Variants in DCAF10 observed in about 807,000 individuals in gnomAD.
DCAF10 encodes DDB1- and CUL4-associated factor 10.
DCAF10 carries 19 observed loss-of-function variants against 51.9 expected under a neutral mutation model. The observed-to-expected ratio is 0.37, with a 90% confidence interval of 0.26 to 0.54. The LOEUF is 0.54. Among genes scored for constraint, DCAF10 ranks in the 20% least tolerant of loss-of-function variants. DCAF10 has a pLI of 0.87. For missense variants in DCAF10, 510 were observed against 730.6 expected (o/e 0.70, Z 3.48); for synonymous variants, 291 against 297.1 (o/e 0.98, Z 0.21).
chr9:37,816,097 G>C (rs1829520543), intron 1 of DCAF10, among the ~76,000 whole-genome samples: 1 of 151,578 alleles, frequency 6.6e-6, no homozygotes, highest in Non-Finnish European at 1.5e-5. Context: ...TCCAGCATAA[G>C]CAAAAATTTT....
Position 37,807,260 on chromosome 9 carries a change from T to C in DCAF10, c.539+5855T>C, listed in dbSNP as rs139038227. Among the ~76,000 whole-genome samples the C allele has an allele frequency of 9.9e-5, 15 of 152,252 alleles. 1 individual carries two copies. The East Asian group carries it at 2.9e-3, about 29-fold the overall frequency. ...ACTTTGGGAGGCTGAAGGTGGAGGA[T>C]TGCTTGAGCTCGAGTTCAAGACCAG... On this transcript the variant is annotated intron_variant, in intron 1 of 6. Transcript: ENST00000377724.
At chr9:37,809,640 C>T (rs1280236826) in intron 1 of DCAF10, among the ~76,000 whole-genome samples, 1 of 151,916 alleles carries the variant, frequency 6.6e-6, no homozygotes, top group Admixed American at 6.6e-5. Context: ...TCGAGACCAG[C>T]CTGGCTAACA....
chr9:37,833,979 G>A (rs796405372), intron 2 of DCAF10, among the ~76,000 whole-genome samples: 4 of 151,854 alleles, frequency 2.6e-5, no homozygotes, highest in African/African-American at 7.2e-5. Context: ...TTGCTTTGCC[G>A]CCTAGGCTGG....
chr9:37,832,021 A>T (rs935892411), intron 2 of DCAF10: 2 of 152,264 alleles, frequency 1.3e-5, no homozygotes, highest in South Asian at 2.1e-4. Context: ...AGGTCATCAT[A>T]AAAATATTTA....
chr9:37,840,807 T>A (rs1564041620), intron 2 of DCAF10, among the ~76,000 whole-genome samples: 1 of 152,184 alleles, frequency 6.6e-6, no homozygotes, highest in Non-Finnish European at 1.5e-5. Flanking sequence ...GCCTGCAAGC[T>A]CCATTCATGG....
chr9:37,813,375 C>T (rs1294381950), intron 1 of DCAF10, among the ~76,000 whole-genome samples: 1 of 152,208 alleles, frequency 6.6e-6, no homozygotes, highest in Non-Finnish European at 1.5e-5. Flanking sequence ...GGATTACAGG[C>T]ATGGGCCAAT....
intron 3 of DCAF10, among the ~76,000 whole-genome samples, chr9:37,853,522 G>A (rs1830755109): frequency 6.7e-6 from 1 of 150,128 alleles, no homozygotes; most frequent in Non-Finnish European, 1.5e-5. Flanking sequence ...TGTTAAGCAT[G>A]TATGTAAATC....
chr9:37,823,664 A>G (rs1829770386), intron 2 of DCAF10, among the ~76,000 whole-genome samples: 1 of 152,178 alleles, frequency 6.6e-6, no homozygotes, highest in Admixed American at 6.5e-5. Flanking sequence ...ATAAAAATGT[A>G]ATGCTAATCA....
Position 37,864,560 on chromosome 9 carries a change from A to T in DCAF10, c.*3052A>T, listed in dbSNP as rs1457613440. Reference sequence around the variant, plus strand: ...GATCGCACCACTGTACTCTAGCCTGACCAGCAGAGCGAGACTCTGCCTCAA... The same window carrying T: ...GATCGCACCACTGTACTCTAGCCTGTCCAGCAGAGCGAGACTCTGCCTCAA... On this transcript the variant is annotated 3_prime_UTR_variant, in exon 7 of 7. Coordinates refer to ENST00000377724, the MANE Select transcript of DCAF10 (RefSeq NM_024345.5). 6.6e-6 allele frequency: 1 copy of T among 150,690 alleles called. No homozygotes were observed. The highest frequency in any genetic ancestry group is 1.5e-5 in the Non-Finnish European group (1 of 67,778). 9.3% of individuals were successfully genotyped at this position (150,690 alleles called of 1,614,324 possible).
chr9:37,821,728 C>G (rs1432747163), intron 2 of DCAF10, among the ~76,000 whole-genome samples: 1 of 152,082 alleles, frequency 6.6e-6, no homozygotes, highest in African/African-American at 2.4e-5. Flanking sequence ...ACCAAAACCC[C>G]AAAAGCAATT....
intron 2 of DCAF10, among the ~76,000 whole-genome samples, chr9:37,831,535 G>A (rs747621436): frequency 5.3e-5 from 8 of 152,146 alleles, no homozygotes; most frequent in Non-Finnish European, 1.2e-4. Context: ...ACAGGGGCAT[G>A]CATTTTCTGG....
In DCAF10 at chr9:37,804,738, T is replaced by G. The variant is rs192207716; in HGVS notation, c.539+3333T>G. Among the ~76,000 whole-genome samples the G allele has an allele frequency of 2.0e-5, 3 of 151,316 alleles. No individual in the cohort carries two copies. In the East Asian group the frequency reaches 5.8e-4, roughly 29 times the overall value. On this transcript the variant is annotated intron_variant, in intron 1 of 6. Transcript: ENST00000377724. Reference sequence around the variant, plus strand: ...TTGCGGTGAGCCAAGACCGTACCACTGCACTCCAGCCTGGGCAACAAGAGC... The same window carrying G: ...TTGCGGTGAGCCAAGACCGTACCACGGCACTCCAGCCTGGGCAACAAGAGC...
At chr9:37,850,858 AT>A (rs1196594454) in intron 3 of DCAF10, among the ~76,000 whole-genome samples, 11 of 109,286 alleles carry the variant, frequency 1.0e-4, no homozygotes, top group Non-Finnish European at 1.8e-4. Flanking sequence ...ATATATATAT[AT>A]ATATATATAT....
rs754708460 is a variant in DCAF10 at position 37,861,337 on chromosome 9, G to C, written c.1509G>C (p.Gln503His). 21 of 1,614,108 alleles carry C rather than the reference G, an allele frequency of 1.3e-5. No homozygotes were observed. Among genetic ancestry groups the C allele is most frequent in the Non-Finnish European group, 1.7e-5 (20 of 1,180,046 alleles). ...YGIRLLGFDK[Q>H]CSELVDCLPK... ...TTCGCTTGTTGGGATTTGACAAACA[G>C]TGCAGTGAACTTGTTGACTGCTTGC... Residue 503 changes from glutamine (Q) to histidine (H), a missense_variant, in exon 7 of 7, where the codon CAG becomes CAC. Physicochemically the swap from Gln to His is conservative, Grantham distance 24. Coordinates refer to ENST00000377724, the MANE Select transcript of DCAF10 (RefSeq NM_024345.5). The surrounding 1 kb of genome is among the most constrained non-coding windows in gnomAD (Gnocchi z 4.9).
In DCAF10 at chr9:37,835,981, A is replaced by G. The variant is rs1158702435; in HGVS notation, c.654-6108A>G. On this transcript the variant is annotated intron_variant, in intron 2 of 6. Coordinates refer to ENST00000377724, the MANE Select transcript of DCAF10 (RefSeq NM_024345.5). ...ATTGCCCTTAGAACTGTTTACAGAA[A>G]AATTCCCCAATCCCTGCCAGAGGCG... 7 of 983,052 alleles carry G rather than the reference A, an allele frequency of 7.1e-6. No homozygotes were observed. The African/African-American group carries it at 1.1e-4, about 16-fold the overall frequency. 60.9% of individuals were successfully genotyped at this position (983,052 alleles called of 1,614,324 possible).
In DCAF10 at chr9:37,861,660, T is replaced by G; in HGVS notation, c.*152T>G. ...ATGAACACACTTGTGACCTTAGTACTTGGTCATCCAGCATCATACAGGCAT... is the reference window on the plus strand; with the variant it reads ...ATGAACACACTTGTGACCTTAGTACGTGGTCATCCAGCATCATACAGGCAT... On this transcript the variant is annotated 3_prime_UTR_variant, in exon 7 of 7. Coordinates refer to ENST00000377724, the MANE Select transcript of DCAF10 (RefSeq NM_024345.5). The surrounding 1 kb of genome is among the most constrained non-coding windows in gnomAD (Gnocchi z 4.9). 1 of 1,098,888 alleles carries G rather than the reference T, an allele frequency of 9.1e-7. No individual in the cohort carries two copies. The highest frequency in any genetic ancestry group is 1.3e-6 in the Non-Finnish European group (1 of 788,888). 68.1% of individuals were successfully genotyped at this position (1,098,888 alleles called of 1,614,324 possible). A position where few individuals can be genotyped will look rare whatever the true frequency, so the allele number is the denominator to read the frequency against.
chr9:37,823,732 AT>A (rs1455537356), intron 2 of DCAF10, among the ~76,000 whole-genome samples: 1 of 152,146 alleles, frequency 6.6e-6, no homozygotes, highest in Admixed American at 6.5e-5. Context: ...GGTAAAATTA[AT>A]TTTTAATAAT....
chr9:37,801,325 T>C lies in DCAF10; in HGVS notation c.459T>C (p.Gly153=). ...TTCGCACCATGACTAGCCTCTACGGTTCCATCCACCCCGCGGACTCGGTGT... is the reference window on the plus strand; with the variant it reads ...TTCGCACCATGACTAGCCTCTACGGCTCCATCCACCCCGCGGACTCGGTGT... ...DNFRTMTSLY[G]SIHPADSVYL... is the part of the protein sequence containing the mutation. The change falls in exon 1 of 7, where the codon GGT becomes GGC. Residue 153 remains glycine, a synonymous_variant. Transcript: ENST00000377724. This position sits in a 1 kb window ranked among gnomAD's most constrained non-coding sequence, Gnocchi z 5.5. The C allele has an allele frequency of 6.3e-7, 1 of 1,589,514 alleles. No homozygotes were observed. The highest frequency in any genetic ancestry group is 1.7e-5 in the Admixed American group (1 of 57,712).
chr9:37,834,504 A>G (rs983957136), intron 2 of DCAF10, among the ~76,000 whole-genome samples: 1 of 152,152 alleles, frequency 6.6e-6, no homozygotes, highest in Non-Finnish European at 1.5e-5. Context: ...ATTTTTTATG[A>G]AAGTCCAACA....
Sources: allele counts gnomAD v4.1 joint callset (sites outside exome capture counted in the v4.1 genomes callset), GRCh38; gene constraint gnomAD v4.1.1; non-coding constraint Gnocchi (gnomAD v3.1); transcripts MANE v1.5; gene names NCBI Gene and HGNC (gene_info 2026-07-23, HGNC 2026-07-21).